The following UGT1A8 variants were observed in gnomAD, a reference collection of about 807,000 sequenced individuals.
UGT1A8 encodes UDP-glucuronosyltransferase 1A8.
UGT1A8 carries 39 observed loss-of-function variants against 45.3 expected under a neutral mutation model. That is an observed-to-expected ratio of 0.86 (90% CI 0.67 to 1.12). UGT1A8 has a LOEUF of 1.12. UGT1A8 is among the 50% of genes most tolerant of loss of function. UGT1A8 has a pLI of 0.00. For missense variants in UGT1A8, 719 were observed against 664.9 expected, an observed-to-expected ratio of 1.08 and a Z score of -0.90; for synonymous variants, 275 against 249.2, an observed-to-expected ratio of 1.10 and a Z score of -0.97.
At chr2:233,729,345 C>A (rs200579886) in intron 1 of UGT1A8, 337 of 1,614,208 alleles carry the variant, frequency 2.1e-4, no homozygotes, top group Admixed American at 3.5e-4. Flanking sequence ...AAGAAGAGAA[C>A]TTTTTCACCC....
Position 233,689,259 on chromosome 2 carries a change from A to G in UGT1A8, c.855+70697A>G, listed in dbSNP as rs375419238. Among the ~76,000 whole-genome samples, 6 of 152,328 alleles carry G rather than the reference A, an allele frequency of 3.9e-5. No homozygotes were observed. The South Asian group carries it at 1.2e-3, about 32-fold the overall frequency. On this transcript the variant is annotated intron_variant, in intron 1 of 4. Coordinates refer to ENST00000373450, the MANE Select transcript of UGT1A8 (RefSeq NM_019076.5). ...ATCTGTGAGTGATTCAGACTTGACTATTGTTATCATACTAAACTAAACTGG... is the reference window on the plus strand; with the variant it reads ...ATCTGTGAGTGATTCAGACTTGACTGTTGTTATCATACTAAACTAAACTGG...
intron 1 of UGT1A8, among the ~76,000 whole-genome samples, chr2:233,765,473 G>A (rs1334073223): frequency 6.6e-6 from 1 of 152,142 alleles, no homozygotes; most frequent in Admixed American, 6.5e-5. Flanking sequence ...GGATGAAGCT[G>A]GAAGCCATCA....
chr2:233,683,654 G>A (rs1360052208), intron 1 of UGT1A8, among the ~76,000 whole-genome samples: 1 of 151,956 alleles, frequency 6.6e-6, no homozygotes, highest in Non-Finnish European at 1.5e-5. Flanking sequence ...CTTTATAAAA[G>A]TATTTCATCT....
intron 1 of UGT1A8, among the ~76,000 whole-genome samples, chr2:233,706,163 G>A (rs769337971): frequency 6.6e-6 from 1 of 152,200 alleles, no homozygotes; most frequent in East Asian, 1.9e-4. Context: ...CCTTCTAAAT[G>A]TGGAATGTGG....
At chr2:233,673,758 T>C (rs1334070463) in intron 1 of UGT1A8, among the ~76,000 whole-genome samples, 3 of 152,206 alleles carry the variant, frequency 2.0e-5, no homozygotes, top group Non-Finnish European at 4.4e-5. Flanking sequence ...CTATGGGTAA[T>C]TAAGGTTTTG....
intron 1 of UGT1A8, chr2:233,682,549 G>C (rs147392032): frequency 6.2e-7 from 1 of 1,613,912 alleles, no homozygotes; most frequent in Non-Finnish European, 8.5e-7. Flanking sequence ...TGACTTTCAA[G>C]GAGAGAGTAT....
chr2:233,744,127 T>G, intron 1 of UGT1A8: 2 of 357,210 alleles, frequency 5.6e-6, no homozygotes, highest in South Asian at 4.6e-5. Context: ...TGAGGCTCTG[T>G]GAGGCCCTGT....
At chr2:233,700,498 G>C (rs954320934) in intron 1 of UGT1A8, among the ~76,000 whole-genome samples, 1 of 152,108 alleles carries the variant, frequency 6.6e-6, no homozygotes, top group Non-Finnish European at 1.5e-5. Flanking sequence ...TAAAAGCCTA[G>C]AAACTTGACT....
intron 1 of UGT1A8, chr2:233,747,309 G>A: frequency 7.5e-6 from 12 of 1,603,078 alleles, no homozygotes; most frequent in Non-Finnish European, 1.0e-5. Context: ...GGAAGGTGCT[G>A]GTGGTACCCA....
intron 1 of UGT1A8, chr2:233,689,926 C>A (rs185092519): frequency 4.4e-6 from 2 of 456,604 alleles, no homozygotes; most frequent in Non-Finnish European, 8.8e-6. Context: ...GAATTTCCTT[C>A]GAAAGAACCC....
chr2:233,707,032 A>T (rs949515079), intron 1 of UGT1A8, among the ~76,000 whole-genome samples: 1 of 152,108 alleles, frequency 6.6e-6, no homozygotes, highest in Non-Finnish European at 1.5e-5. Context: ...CCAGCCCCCA[A>T]GGTAGAGGAA....
intron 1 of UGT1A8, among the ~76,000 whole-genome samples, chr2:233,705,578 G>A (rs549130522): frequency 2.0e-5 from 3 of 152,288 alleles, no homozygotes; most frequent in African/African-American, 7.2e-5. Flanking sequence ...GGATAGAAAT[G>A]GTTTATGGAT....
intron 1 of UGT1A8, among the ~76,000 whole-genome samples, chr2:233,666,987 T>C (rs1161878502): frequency 2.0e-5 from 3 of 152,196 alleles, no homozygotes; most frequent in Non-Finnish European, 4.4e-5. Flanking sequence ...ACTCATCATT[T>C]TTTATGGCTG....
At chr2:233,687,029 G>A (rs992387137) in intron 1 of UGT1A8, among the ~76,000 whole-genome samples, 2 of 152,202 alleles carry the variant, frequency 1.3e-5, no homozygotes, top group Non-Finnish European at 2.9e-5. Flanking sequence ...GTGGTTCAAT[G>A]TAGTGTTTGA....
intron 1 of UGT1A8, chr2:233,743,008 TACA>T (rs1692158299): frequency 4.2e-6 from 1 of 239,364 alleles, no homozygotes; most frequent in Admixed American, 5.1e-5. Context: ...ACAGATATTT[TACA>T]ACGATTGAAA....
chr2:233,642,875 TCTCTCTCTCTCA>T (rs1336980555), intron 1 of UGT1A8, among the ~76,000 whole-genome samples: 3 of 152,116 alleles, frequency 2.0e-5, no homozygotes, highest in South Asian at 4.1e-4. Context: ...ACAGAGTCTC[TCTCTCTCTCTCA>T]CTCTCTCTCT....
intron 1 of UGT1A8, among the ~76,000 whole-genome samples, chr2:233,766,404 G>A (rs990056235): frequency 5.3e-5 from 8 of 152,282 alleles, no homozygotes; most frequent in Non-Finnish European, 1.0e-4. Context: ...GCGTCCCTCC[G>A]CTGATGTGCT....
rs2076824965 is a variant in UGT1A8, at chr2:233,720,038, T to G, written c.856-46996T>G. On this transcript the variant is annotated intron_variant, in intron 1 of 4. Transcript: ENST00000373450. ...TCCTGGGGTTTTTGCTTGCCTGATTTTCAGCTGAACGGTGATGCAACAGTA... is the reference window on the plus strand; with the variant it reads ...TCCTGGGGTTTTTGCTTGCCTGATTGTCAGCTGAACGGTGATGCAACAGTA... Among the ~76,000 whole-genome samples, 3 of 152,190 alleles carry G rather than the reference T, an allele frequency of 2.0e-5. No individual in the cohort carries two copies. In the South Asian group the frequency reaches 6.2e-4, roughly 32 times the overall value.
Position 233,690,571 on chromosome 2 carries a change from C to T in UGT1A8, c.855+72009C>T. The T allele has an allele frequency of 2.3e-6, 3 of 1,288,856 alleles. 1 individual carries two copies. The African/African-American group carries it at 4.6e-5, about 20-fold the overall frequency. The allele number at this position is 1,288,856 out of a possible 1,614,324, so 79.8% of individuals were successfully genotyped here. A position where few individuals can be genotyped will look rare whatever the true frequency, so the allele number is the denominator to read the frequency against. On this transcript the variant is annotated intron_variant, in intron 1 of 4. Transcript: ENST00000373450. ...TATGTCCCAAGCCTGAGTCATTCAGCCTGCAGCAATCCCTGAGAAAAAAAA... is the reference window on the plus strand; with the variant it reads ...TATGTCCCAAGCCTGAGTCATTCAGTCTGCAGCAATCCCTGAGAAAAAAAA...
Sources: allele counts gnomAD v4.1 joint callset (sites outside exome capture counted in the v4.1 genomes callset), GRCh38; gene constraint gnomAD v4.1.1; transcripts MANE v1.5; gene names NCBI Gene and HGNC (gene_info 2026-07-23, HGNC 2026-07-21).